EPHA6: variants seen among roughly 807,000 people sequenced by gnomAD.
The protein encoded by EPHA6 is EPH receptor A6, also known as ephrin type-A receptor 6.
Under a neutral mutation model 112.0 loss-of-function variants are expected in EPHA6, and 50 were observed. The observed-to-expected ratio is 0.45, with a 90% confidence interval of 0.36 to 0.56. EPHA6 has a LOEUF of 0.56. Ranked by LOEUF, EPHA6 falls within the 20% of genes least tolerant of loss-of-function variation. EPHA6 has a pLI of 0.00. For synonymous variants in EPHA6, 529 were observed against 490.7 expected (o/e 1.08, Z -1.03); for missense variants, 1,280 against 1,417.4 (o/e 0.90, Z 1.56).
chr3:96,991,028 C>T lies in EPHA6; in HGVS notation c.1114+3035C>T, dbSNP rs12491933. Among the ~76,000 whole-genome samples the T allele has an allele frequency of 2.3e-3, 345 of 151,178 alleles. 9 individuals carry two copies. Among genetic ancestry groups the T allele is most frequent in the Admixed American group, 0.021 (318 of 15,204 alleles). On this transcript the variant is annotated intron_variant, in intron 3 of 17. Transcript: ENST00000389672. ...TTTTAGAGACAGGGTCTTATTCTGT[C>T]ACCCAGGCTGGAGTGCACTGGTGCG...
At chr3:97,693,966 C>G (rs13321129) in intron 14 of EPHA6, among the ~76,000 whole-genome samples, 9 of 152,068 alleles carry the variant, frequency 5.9e-5, no homozygotes, top group Non-Finnish European at 1.5e-5. Flanking sequence ...TACATTGATT[C>G]GCATGAAGCT....
chr3:97,173,028 T>C (rs72922353), intron 3 of EPHA6, among the ~76,000 whole-genome samples: 1,962 of 152,034 alleles, frequency 0.013, 46 homozygotes, highest in African/African-American at 0.043. Context: ...ATGCTTTAGT[T>C]GACTTGCCAT....
intron 4 of EPHA6, among the ~76,000 whole-genome samples, chr3:97,230,704 A>G (rs2078498212): frequency 6.6e-6 from 1 of 152,214 alleles, no homozygotes; most frequent in Non-Finnish European, 1.5e-5. Context: ...TACATTGGAC[A>G]TACCTAGGGA....
At chr3:96,847,934 T>C (rs1479083909) in intron 1 of EPHA6, among the ~76,000 whole-genome samples, 1 of 152,122 alleles carries the variant, frequency 6.6e-6, no homozygotes, top group Non-Finnish European at 1.5e-5. Flanking sequence ...TGGAAAAGTT[T>C]GTTGGGACAT....
chr3:97,047,186 A>G (rs1419107390), intron 3 of EPHA6, among the ~76,000 whole-genome samples: 1 of 152,074 alleles, frequency 6.6e-6, no homozygotes, highest in East Asian at 1.9e-4. Flanking sequence ...GATTTATTTA[A>G]TAATAAATTT....
intron 14 of EPHA6, among the ~76,000 whole-genome samples, chr3:97,697,817 C>T (rs2033135302): frequency 6.6e-6 from 1 of 152,130 alleles, no homozygotes; most frequent in Non-Finnish European, 1.5e-5. Flanking sequence ...GGCTTTCCTC[C>T]CCAAACTGCT....
At chr3:96,826,041 C>A (rs1490271748) in intron 1 of EPHA6, among the ~76,000 whole-genome samples, 1 of 151,724 alleles carries the variant, frequency 6.6e-6, no homozygotes, top group Non-Finnish European at 1.5e-5. Flanking sequence ...TTGCAGGCAT[C>A]ATTTTTAAAT....
At chr3:96,952,792 T>C (rs189821091) in intron 2 of EPHA6, among the ~76,000 whole-genome samples, 35 of 152,124 alleles carry the variant, frequency 2.3e-4, no homozygotes, top group African/African-American at 8.0e-4. Context: ...TCACTTACAA[T>C]TGGGAGCAAA....
At chr3:97,742,667 C>A (rs1260778456) in intron 16 of EPHA6, among the ~76,000 whole-genome samples, 2 of 152,078 alleles carry the variant, frequency 1.3e-5, no homozygotes, top group Non-Finnish European at 2.9e-5. Flanking sequence ...CACAAAATAT[C>A]TGTATCTATA....
At chr3:97,369,667 C>T (rs959685375) in intron 5 of EPHA6, among the ~76,000 whole-genome samples, 11 of 152,074 alleles carry the variant, frequency 7.2e-5, no homozygotes, top group African/African-American at 2.7e-4. Flanking sequence ...TATGTGATCC[C>T]TGAGTTTCAC....
chr3:97,164,662 A>G (rs1220405110), intron 3 of EPHA6, among the ~76,000 whole-genome samples: 2 of 152,106 alleles, frequency 1.3e-5, no homozygotes, highest in Non-Finnish European at 2.9e-5. Flanking sequence ...TTGAAGCTAT[A>G]TTATATTCAC....
intron 5 of EPHA6, among the ~76,000 whole-genome samples, chr3:97,302,826 C>A (rs2081149086): frequency 6.6e-6 from 1 of 151,748 alleles, no homozygotes; most frequent in South Asian, 2.1e-4. Flanking sequence ...GGAAATATTT[C>A]TCATTTTGGT....
intron 15 of EPHA6, among the ~76,000 whole-genome samples, chr3:97,733,002 C>T (rs542496371): frequency 6.6e-6 from 1 of 152,152 alleles, no homozygotes; most frequent in East Asian, 1.9e-4. Context: ...CTCCCACTGT[C>T]CCCACAGAGA....
At chr3:97,435,400 G>T (rs1354412442) in intron 6 of EPHA6, among the ~76,000 whole-genome samples, 1 of 152,028 alleles carries the variant, frequency 6.6e-6, no homozygotes, top group African/African-American at 2.4e-5. Flanking sequence ...GTAAAAAATA[G>T]TTAATTCATA....
At chr3:97,562,792 T>C (rs1273164887) in intron 11 of EPHA6, among the ~76,000 whole-genome samples, 1 of 152,118 alleles carries the variant, frequency 6.6e-6, no homozygotes, top group African/African-American at 2.4e-5. Flanking sequence ...TTTATTGTTG[T>C]CTTATTTTCA....
intron 14 of EPHA6, among the ~76,000 whole-genome samples, chr3:97,708,237 C>G (rs745512062): frequency 2.0e-5 from 3 of 152,150 alleles, no homozygotes; most frequent in Non-Finnish European, 4.4e-5. Flanking sequence ...TAGGTGGTCT[C>G]AGATGGAGAT....
chr3:96,933,217 G>A (rs551519958), intron 2 of EPHA6, among the ~76,000 whole-genome samples: 1 of 152,226 alleles, frequency 6.6e-6, no homozygotes, highest in African/African-American at 2.4e-5. Context: ...TATTGCCAGA[G>A]GGAAGTGTCT....
At chr3:97,189,334 G>A (rs987272746) in intron 3 of EPHA6, among the ~76,000 whole-genome samples, 14 of 152,006 alleles carry the variant, frequency 9.2e-5, no homozygotes, top group African/African-American at 2.9e-4. Context: ...GGAAACATGA[G>A]CATTCTTGAA....
chr3:97,322,868 G>A (rs989751897), intron 5 of EPHA6, among the ~76,000 whole-genome samples: 7 of 151,950 alleles, frequency 4.6e-5, no homozygotes, highest in African/African-American at 1.7e-4. Context: ...AACGAGAGCT[G>A]ACCTATATAG....
Sources: gnomAD v4.1 joint callset for allele counts (sites outside exome capture counted in the v4.1 genomes callset) on GRCh38, gnomAD v4.1.1 for gene constraint, MANE v1.5 for transcripts, NCBI Gene and HGNC (gene_info 2026-07-23, HGNC 2026-07-21) for gene names.